Variants in BRINP3 observed in about 807,000 individuals in gnomAD.
The protein encoded by BRINP3 is BMP/retinoic acid-inducible neural-specific protein 3.
In BRINP3, 19 loss-of-function variants were observed where a neutral mutation model predicts 71.0. The ratio of observed to expected loss-of-function variants is 0.27; its 90% CI spans 0.19 to 0.39. The LOEUF (loss-of-function observed/expected upper bound fraction) is 0.39, where lower values mean the gene tolerates loss of function less well. Ranked by LOEUF, BRINP3 falls within the 10% of genes least tolerant of loss-of-function variation. BRINP3 has a pLI of 1.00. For missense variants in BRINP3, 959 were observed against 940.8 expected, an observed-to-expected ratio of 1.02 and a Z score of -0.25; for synonymous variants, 380 against 337.7, an observed-to-expected ratio of 1.13 and a Z score of -1.37.
At chr1:190,260,548 A>G (rs1169944272) in intron 4 of BRINP3, among the ~76,000 whole-genome samples, 1 of 151,642 alleles carries the variant, frequency 6.6e-6, no homozygotes, top group Non-Finnish European at 1.5e-5. Flanking sequence ...TTAAAAACAT[A>G]TATATATATA....
chr1:190,106,030 A>G (rs1389325695), intron 7 of BRINP3, among the ~76,000 whole-genome samples: 1 of 151,954 alleles, frequency 6.6e-6, no homozygotes, highest in East Asian at 1.9e-4. Context: ...ATATATTAAA[A>G]TAAAAAGGTT....
chr1:190,244,738 T>G (rs1258856877), intron 4 of BRINP3, among the ~76,000 whole-genome samples: 1 of 152,058 alleles, frequency 6.6e-6, no homozygotes, highest in Non-Finnish European at 1.5e-5. Context: ...GTTTAACATT[T>G]AATACAACTA....
intron 1 of BRINP3, among the ~76,000 whole-genome samples, chr1:190,468,942 C>T (rs1054662623): frequency 9.3e-5 from 14 of 150,822 alleles, no homozygotes; most frequent in African/African-American, 3.4e-4. Flanking sequence ...ATTCACTTCT[C>T]TAGTTCACGT....
chr1:190,159,621 A>G (rs1657169148), intron 7 of BRINP3, among the ~76,000 whole-genome samples: 1 of 152,096 alleles, frequency 6.6e-6, no homozygotes, highest in African/African-American at 2.4e-5. Context: ...AATGTCCAAA[A>G]TAGGCAAATC....
chr1:190,307,011 T>C (rs545732232), intron 2 of BRINP3, among the ~76,000 whole-genome samples: 1 of 151,986 alleles, frequency 6.6e-6, no homozygotes, highest in African/African-American at 2.4e-5. Context: ...CGTGTAGTTC[T>C]GAGGAGCACA....
chr1:190,240,732 T>TCC (rs777094358), intron 4 of BRINP3, among the ~76,000 whole-genome samples: 39 of 150,544 alleles, frequency 2.6e-4, no homozygotes, highest in Non-Finnish European at 4.6e-4. Context: ...ATTAGCCGGG[T>TCC]GTGGTGGTGG....
chr1:190,115,598 A>C (rs1653063169), intron 7 of BRINP3, among the ~76,000 whole-genome samples: 1 of 152,174 alleles, frequency 6.6e-6, no homozygotes, highest in Admixed American at 6.5e-5. Context: ...CATTAGCAAT[A>C]CAAACTAAGC....
chr1:190,119,133 T>A (rs1485042450), intron 7 of BRINP3, among the ~76,000 whole-genome samples: 1 of 152,178 alleles, frequency 6.6e-6, no homozygotes, highest in African/African-American at 2.4e-5. Context: ...CATTCAATTC[T>A]GTACTTTTAT....
At chr1:190,417,190 G>A (rs984552136) in intron 2 of BRINP3, among the ~76,000 whole-genome samples, 11 of 151,378 alleles carry the variant, frequency 7.3e-5, no homozygotes, top group Admixed American at 5.9e-4. Flanking sequence ...AATAAAACTC[G>A]TTTAAGAGGT....
In BRINP3 at chr1:190,367,238, C is replaced by G. The variant is rs994788431; in HGVS notation, c.237-85488G>C. On this transcript the variant is annotated intron_variant, in intron 2 of 7. Transcript: ENST00000367462. ...AATCTAGGCAGAGGTTCCTCAACATCAATTATTTACTTCTGTGGACCCACA... is the reference window on the plus strand; with the variant it reads ...AATCTAGGCAGAGGTTCCTCAACATGAATTATTTACTTCTGTGGACCCACA... Among the ~76,000 whole-genome samples, 3 of 152,314 alleles carry G rather than the reference C, an allele frequency of 2.0e-5. No homozygotes were observed. The South Asian group carries it at 6.2e-4, about 32-fold the overall frequency.
chr1:190,267,639 T>C (rs534427385), intron 3 of BRINP3, among the ~76,000 whole-genome samples: 2 of 152,206 alleles, frequency 1.3e-5, no homozygotes, highest in South Asian at 2.1e-4. Context: ...AAGTAGCTTC[T>C]TTCAGGAGAA....
chr1:190,176,572 GTTTTACTTTCTGGGAGGTTCT>G (rs1271794222), intron 6 of BRINP3, among the ~76,000 whole-genome samples: 1 of 152,076 alleles, frequency 6.6e-6, no homozygotes, highest in Non-Finnish European at 1.5e-5. Flanking sequence ...CTTGGAAGTA[GTTTTACTTTCTGGGAGGTTCT>G]TTTTAATCAT....
intron 6 of BRINP3, among the ~76,000 whole-genome samples, chr1:190,186,153 A>G (rs779605664): frequency 8.9e-4 from 136 of 152,168 alleles, no homozygotes; most frequent in Non-Finnish European, 3.7e-4. Context: ...AGACGGGTGG[A>G]TTACCTGAGG....
intron 6 of BRINP3, among the ~76,000 whole-genome samples, chr1:190,189,536 T>G (rs1217131995): frequency 6.6e-6 from 1 of 152,134 alleles, no homozygotes; most frequent in African/African-American, 2.4e-5. Flanking sequence ...TCAATTCTGC[T>G]GTTGATACTT....
intron 2 of BRINP3, chr1:190,342,287 C>T (rs1157044060): frequency 6.7e-6 from 1 of 148,506 alleles, no homozygotes; most frequent in African/African-American, 2.5e-5. Context: ...ACTAAGTAAC[C>T]TAGCATATTC....
chr1:190,411,465 A>C (rs888223484), intron 2 of BRINP3, among the ~76,000 whole-genome samples: 21 of 152,184 alleles, frequency 1.4e-4, no homozygotes, highest in African/African-American at 4.8e-4. Context: ...GCCACAATGC[A>C]AACAGTGATT....
intron 2 of BRINP3, chr1:190,342,532 G>A (rs959448827): frequency 6.7e-6 from 1 of 149,888 alleles, no homozygotes; most frequent in East Asian, 2.0e-4. Context: ...TTTCATTTCA[G>A]GTAGGCACTT....
At chr1:190,400,471 A>G (rs1287275379) in intron 2 of BRINP3, among the ~76,000 whole-genome samples, 1 of 152,176 alleles carries the variant, frequency 6.6e-6, no homozygotes, top group Admixed American at 6.5e-5. Context: ...ATACAAAGAG[A>G]AAGTTTAATT....
intron 2 of BRINP3, among the ~76,000 whole-genome samples, chr1:190,378,711 A>T (rs12035557): frequency 6.6e-6 from 1 of 152,132 alleles, no homozygotes; most frequent in East Asian, 1.9e-4. Context: ...CTATCCAGTA[A>T]ATTTTTTTGC....
Sources: allele counts gnomAD v4.1 joint callset (sites outside exome capture counted in the v4.1 genomes callset), GRCh38; gene constraint gnomAD v4.1.1; transcripts MANE v1.5; gene names NCBI Gene and HGNC (gene_info 2026-07-23, HGNC 2026-07-21).